MYO7A: variants seen among roughly 807,000 people sequenced by gnomAD.
The protein encoded by MYO7A is unconventional myosin-VIIa.
A neutral mutation model predicts 263.8 loss-of-function variants in MYO7A; 210 were observed. That is an observed-to-expected ratio of 0.80 (90% confidence interval 0.71 to 0.89). The LOEUF (loss-of-function observed/expected upper bound fraction) is 0.89, where lower values mean the gene tolerates loss of function less well. MYO7A is among the 40% of genes least tolerant of loss of function. The probability of loss-of-function intolerance (pLI) is 0.00; values close to 1 mark genes in which losing one functional copy is unlikely to be tolerated. For synonymous variants in MYO7A, 1,239 were observed against 1,197.3 expected (o/e 1.03, Z -0.72); for missense variants, 2,820 against 2,968.3 (o/e 0.95, Z 1.16).
intron 4 of MYO7A, among the ~76,000 whole-genome samples, chr11:77,149,651 C>G (rs1951831098): frequency 6.6e-6 from 1 of 152,178 alleles, no homozygotes; most frequent in Non-Finnish European, 1.5e-5. Context: ...AGGTCCTCAG[C>G]CACTGTCTGA....
chr11:77,169,842 G>A (rs1342517710), intron 15 of MYO7A, among the ~76,000 whole-genome samples: 1 of 152,164 alleles, frequency 6.6e-6, no homozygotes, highest in Non-Finnish European at 1.5e-5. Flanking sequence ...TTGGGAGGCC[G>A]AGGTGGGCAG....
Position 77,172,879 on chromosome 11 carries a change from G to T in MYO7A, c.1929G>T (p.Lys643Asn), listed in dbSNP as rs1450021975. ...GCATCAAGCCCAATGAGTTCAAGAA[G>T]CCCATGGTGAGTGGCCCTGGCCTGG... ...VRCIKPNEFK[K>N]PMLFDRHLCV... Residue 643 changes from lysine to asparagine, a missense_variant, in exon 16 of 49, where the codon AAG becomes AAT. Physicochemically the swap from Lys to Asn is moderately conservative, Grantham distance 94. Transcript: ENST00000409709. The T allele has an allele frequency of 3.4e-5, 53 of 1,550,006 alleles. No homozygotes were observed. The highest frequency in any genetic ancestry group is 4.2e-5 in the Non-Finnish European group (48 of 1,145,528).
Position 77,189,472 on chromosome 11 carries a change from T to A in MYO7A, c.3630+2T>A. On this transcript the variant is annotated splice_donor_variant, in intron 28 of 48. Transcript: ENST00000409709. LOFTEE classifies it high-confidence loss of function. ...GCCCCCTCCGAGAAGTTTGTCAAGG[T>A]AGGAAGGTGCCTGGCCTCCTGGAGT... is the stretch of plus-strand genomic sequence containing the variant. 1 of 1,613,306 alleles carries A rather than the reference T, an allele frequency of 6.2e-7. No homozygotes were observed. The highest frequency in any genetic ancestry group is 8.5e-7 in the Non-Finnish European group (1 of 1,179,688).
chr11:77,159,403 G>GAC, intron 9 of MYO7A, 44 bp from the exon 10 acceptor site: 1 of 711,718 alleles, frequency 1.4e-6, no homozygotes. Context: ...TGCCCCTGTT[G>GAC]CCCACCCTCC....
rs372433507 is a variant in MYO7A at position 77,142,692 on chromosome 11, C to A, written c.19-17C>A. 1.6e-5 allele frequency: 25 copies of A among 1,592,162 alleles called. No homozygotes were observed. Among genetic ancestry groups the A allele is most frequent in the Non-Finnish European group, 2.1e-5 (25 of 1,167,048 alleles). ...CCCTCCCTGCTCACCTGGGCTGAGA[C>A]TCTCTCTCGCCCATAGGGGGACCAT... is the stretch of plus-strand genomic sequence containing the variant. On this transcript the variant is annotated splice_polypyrimidine_tract_variant and intron_variant, in intron 2 of 48. Transcript: ENST00000409709.
intron 40 of MYO7A, 138 bp from the exon 41 acceptor site, chr11:77,205,959 G>T: frequency 1.4e-6 from 1 of 730,632 alleles, no homozygotes. Flanking sequence ...CAAGGCTCTG[G>T]GAGACTCAGT....
At chr11:77,207,226 G>T in intron 41 of MYO7A, 63 bp from the exon 42 acceptor site, 1 of 1,206,442 alleles carries the variant, frequency 8.3e-7, no homozygotes, top group Non-Finnish European at 1.2e-6. Context: ...AGCCAGAGGG[G>T]CCCGGGAGGA....
At position 77,135,757 on chromosome 11, in the gene MYO7A, T is replaced by C. The variant is rs1363044280; in HGVS notation, c.18+5105T>C. On this transcript the variant is annotated intron_variant, in intron 2 of 48. Coordinates refer to ENST00000409709, the MANE Select transcript of MYO7A (RefSeq NM_000260.4). ...TATTTTCTGTTTTGTTTTGTTTTGT[T>C]TTGTTTTGTAATAGCCATCCTAATG... Among the ~76,000 whole-genome samples the C allele has an allele frequency of 2.4e-5, 3 of 126,388 alleles. No individual in the cohort carries two copies. The East Asian group carries it at 8.5e-4, about 36-fold the overall frequency. The allele number at this position is 126,388 out of a possible 152,430, so 82.9% of individuals were successfully genotyped here. A position where few individuals can be genotyped will look rare whatever the true frequency, so the allele number is the denominator to read the frequency against.
Position 77,174,566 on chromosome 11 carries a change from C to A in MYO7A, c.1936-190C>A, listed in dbSNP as rs532123354. ...GTGCTCCCAAAGCACACAGCTCCAC[C>A]ACGACAGGCCTCACTTTATGCTCTT... is the stretch of plus-strand genomic sequence containing the variant. On this transcript the variant is annotated intron_variant, in intron 16 of 48. Coordinates refer to ENST00000409709, the MANE Select transcript of MYO7A (RefSeq NM_000260.4). Among the ~76,000 whole-genome samples the A allele has an allele frequency of 4.6e-5, 7 of 152,366 alleles. No individual in the cohort carries two copies. The South Asian group carries it at 1.4e-3, about 32-fold the overall frequency.
chr11:77,195,307 AC>A (rs1195415818), intron 32 of MYO7A, among the ~76,000 whole-genome samples: 2 of 150,684 alleles, frequency 1.3e-5, no homozygotes, highest in African/African-American at 4.9e-5. Flanking sequence ...CGAGGCCCGA[AC>A]CCCCCCGAAC....
chr11:77,200,345 C>T (rs1956983290), intron 35 of MYO7A, among the ~76,000 whole-genome samples: 1 of 152,068 alleles, frequency 6.6e-6, no homozygotes, highest in Admixed American at 6.5e-5. Context: ...CCCCAGGAAG[C>T]TTCCACTCAT....
chr11:77,203,267 C>T, intron 38 of MYO7A, 50 bp downstream of exon 38: 1 of 1,529,910 alleles, frequency 6.5e-7, no homozygotes, highest in Non-Finnish European at 8.8e-7. Flanking sequence ...CCGGGCAGGG[C>T]CTTCGTCTGC....
At chr11:77,131,466 GGACA>G (rs1950764753) in intron 2 of MYO7A, among the ~76,000 whole-genome samples, 1 of 152,236 alleles carries the variant, frequency 6.6e-6, no homozygotes, top group South Asian at 2.1e-4. Context: ...GGCAGCATCA[GGACA>G]GACATTCTTC....
intron 31 of MYO7A, among the ~76,000 whole-genome samples, chr11:77,192,829 G>A (rs1190454798): frequency 8.4e-5 from 8 of 95,110 alleles, no homozygotes; most frequent in Non-Finnish European, 1.5e-4. Context: ...ATGATGGTTG[G>A]TGGTGATGGT....
At position 77,162,892 on chromosome 11, in the gene MYO7A, C is replaced by T. The variant is rs1555070102; in HGVS notation, c.1594C>T (p.His532Tyr). Residue 532 changes from histidine to tyrosine, a missense_variant, in exon 14 of 49, where the codon CAC (histidine) becomes TAC (tyrosine). Transcript: ENST00000409709. ...TTMLHKLNSQ[H>Y]KLNANYIPPK... ...CATGTTACACAAGCTGAACTCCCAG[C>T]ACAAGCTCAACGCCAACTACATCCC... 4 of 1,613,778 alleles carry T rather than the reference C, an allele frequency of 2.5e-6. No homozygotes were observed. Among genetic ancestry groups the T allele is most frequent in the African/African-American group, 1.3e-5 (1 of 74,968 alleles).
intron 36 of MYO7A, among the ~76,000 whole-genome samples, chr11:77,202,037 C>T (rs534680649): frequency 5.6e-4 from 85 of 152,274 alleles, no homozygotes; most frequent in African/African-American, 1.8e-3. Flanking sequence ...AGCTCTCATA[C>T]CATGTCCCGC....
intron 20 of MYO7A, among the ~76,000 whole-genome samples, chr11:77,179,411 C>T (rs1289933342): frequency 1.3e-5 from 2 of 152,206 alleles, no homozygotes; most frequent in Non-Finnish European, 2.9e-5. Context: ...GTGAGAGTGG[C>T]TGGGTCACAT....
chr11:77,190,949 T>C lies in MYO7A; in HGVS notation c.3924+79T>C, dbSNP rs570668559. The C allele has an allele frequency of 2.1e-6, 3 of 1,415,714 alleles. No homozygotes were observed. The African/African-American group carries it at 4.3e-5, about 20-fold the overall frequency. The allele number at this position is 1,415,714 out of a possible 1,614,324, so 87.7% of individuals were successfully genotyped here. On this transcript the variant is annotated intron_variant, in intron 30 of 48. Transcript: ENST00000409709. ...CCGGGCTGCCAGTGCTGCCACCTAC[T>C]TGCCGGGGCTATTCACCCTTGAGCA...
chr11:77,166,524 G>A (rs561174615), intron 15 of MYO7A, among the ~76,000 whole-genome samples: 1 of 152,150 alleles, frequency 6.6e-6, no homozygotes. Flanking sequence ...GGTGGGTGTG[G>A]ATACTCAGAG....
Sources: gnomAD v4.1 joint callset for allele counts (sites outside exome capture counted in the v4.1 genomes callset) on GRCh38, gnomAD v4.1.1 for gene constraint, MANE v1.5 for transcripts, NCBI Gene and HGNC (gene_info 2026-07-23, HGNC 2026-07-21) for gene names.